Variants in NCAPG2 observed in about 807,000 individuals in gnomAD.
NCAPG2 encodes non-SMC condensin II complex subunit G2, also known as condensin-2 complex subunit G2.
NCAPG2 carries 53 observed loss-of-function variants against 141.1 expected under a neutral mutation model. That is an observed-to-expected ratio of 0.38 (90% CI 0.30 to 0.47). The LOEUF (loss-of-function observed/expected upper bound fraction) is 0.47, where lower values mean the gene tolerates loss of function less well. NCAPG2 is among the 20% of genes least tolerant of loss of function. The probability of loss-of-function intolerance (pLI) is 0.99; values close to 1 mark genes in which losing one functional copy is unlikely to be tolerated. For missense variants in NCAPG2, 1,087 were observed against 1,389.0 expected (o/e 0.78, Z 3.46); for synonymous variants, 499 against 490.7 (o/e 1.02, Z -0.22).
intron 27 of NCAPG2, chr7:158,639,673 G>T: frequency 1.1e-5 from 2 of 182,056 alleles, no homozygotes; most frequent in Non-Finnish European, 2.1e-5. Flanking sequence ...GGGGTATGTT[G>T]TTCCACAGCA....
chr7:158,659,344 A>G (rs866453438), intron 16 of NCAPG2, among the ~76,000 whole-genome samples: 5 of 151,290 alleles, frequency 3.3e-5, no homozygotes, highest in African/African-American at 9.7e-5. Context: ...AAAAAAAAAA[A>G]AAGAAGAAAA....
At chr7:158,657,628 G>A (rs1340579003) in intron 17 of NCAPG2, among the ~76,000 whole-genome samples, 2 of 152,208 alleles carry the variant, frequency 1.3e-5, no homozygotes, top group Admixed American at 1.3e-4. Flanking sequence ...CCCTCTGCCT[G>A]GCCACCACCC....
chr7:158,681,206 CATTA>C (rs1028653379), intron 9 of NCAPG2, among the ~76,000 whole-genome samples: 4 of 152,204 alleles, frequency 2.6e-5, no homozygotes, highest in African/African-American at 4.8e-5. Context: ...TGTTCCAAAA[CATTA>C]ACTAACCTCT....
intron 27 of NCAPG2, among the ~76,000 whole-genome samples, chr7:158,634,505 G>A (rs1830066320): frequency 6.6e-6 from 1 of 152,168 alleles, no homozygotes. Flanking sequence ...TCAAACTATG[G>A]TTGGTTGGAT....
chr7:158,690,200 G>T (rs1835032671), intron 5 of NCAPG2, among the ~76,000 whole-genome samples: 1 of 152,090 alleles, frequency 6.6e-6, no homozygotes, highest in Admixed American at 6.6e-5. Context: ...CGATGATGAA[G>T]ATTTTATACA....
chr7:158,646,638 T>C (rs184307627), intron 24 of NCAPG2, 75 bp from the exon 25 acceptor site: 163 of 974,674 alleles, frequency 1.7e-4, no homozygotes, highest in Middle Eastern at 1.5e-3. Flanking sequence ...GCTTTGGGTT[T>C]TCTTCAACAC....
intron 17 of NCAPG2, among the ~76,000 whole-genome samples, chr7:158,657,997 C>G (rs1355862276): frequency 6.6e-6 from 1 of 151,762 alleles, no homozygotes; most frequent in African/African-American, 2.4e-5. Flanking sequence ...TCTCAAGTAC[C>G]CAGGGACACA....
At position 158,662,296 on chromosome 7, in the gene NCAPG2, G is replaced by A. The variant is rs753554741; in HGVS notation, c.1887C>T (p.Leu629=). Residue 629 remains leucine, a synonymous_variant, in exon 16 of 28, where the codon CTC becomes CTT. Transcript: ENST00000356309. Reference sequence around the variant, plus strand: ...CCATACTTCTGTCAATACTTTTCCAGAGAATCACAATGATTTCTAGTAAAC... The same window carrying A: ...CCATACTTCTGTCAATACTTTTCCAAAGAATCACAATGATTTCTAGTAAAC... ...MAGLLEIIVI[L]WKSIDRSMEN... 6.2e-7 allele frequency: 1 copy of A among 1,610,116 alleles called. No homozygotes were observed. Among genetic ancestry groups the A allele is most frequent in the Admixed American group, 1.7e-5 (1 of 59,486 alleles).
At chr7:158,700,887 T>C (rs1286661821) in intron 2 of NCAPG2, among the ~76,000 whole-genome samples, 1 of 152,184 alleles carries the variant, frequency 6.6e-6, no homozygotes, top group Non-Finnish European at 1.5e-5. Context: ...CAGAGATGTG[T>C]CCTAGGCCCT....
At chr7:158,644,087 G>T (rs1176869745) in intron 27 of NCAPG2, among the ~76,000 whole-genome samples, 1 of 152,188 alleles carries the variant, frequency 6.6e-6, no homozygotes, top group Non-Finnish European at 1.5e-5. Context: ...TGACACTTTT[G>T]TTTTGTTTTT....
intron 12 of NCAPG2, 98 bp from the exon 13 acceptor site, chr7:158,671,764 TTATTAG>T: frequency 7.7e-7 from 1 of 1,296,040 alleles, no homozygotes; most frequent in Non-Finnish European, 1.1e-6. Context: ...GGTTCCATCT[TTATTAG>T]AACTACTAGT....
At chr7:158,686,595 G>A (rs1355307844) in intron 7 of NCAPG2, among the ~76,000 whole-genome samples, 2 of 152,100 alleles carry the variant, frequency 1.3e-5, no homozygotes, top group African/African-American at 2.4e-5. Flanking sequence ...GACTTTTCAC[G>A]CTACCAATTC....
At chr7:158,643,903 A>G (rs1830814022) in intron 27 of NCAPG2, among the ~76,000 whole-genome samples, 1 of 152,228 alleles carries the variant, frequency 6.6e-6, no homozygotes, top group Non-Finnish European at 1.5e-5. Flanking sequence ...CACACATCTC[A>G]GAGGCTCTGG....
chr7:158,647,396 G>A (rs114938661), intron 24 of NCAPG2, among the ~76,000 whole-genome samples: 2,502 of 152,322 alleles, frequency 0.016, 67 homozygotes, highest in African/African-American at 0.058. Flanking sequence ...GCCCCCTGCA[G>A]GGCAGAAGCC....
rs948406275 is a variant in NCAPG2, at chr7:158,679,956, G to A, written c.1146+4C>T. The stretch of plus-strand genomic sequence containing the variant: ...TAAGAAGCTTGACCACCTGAAGTAC[G>A]TACATAGAGCTCTTCAAACTGTTTC... On this transcript the variant is annotated splice_donor_region_variant and intron_variant, in intron 11 of 27. Coordinates refer to ENST00000356309, the MANE Select transcript of NCAPG2 (RefSeq NM_017760.7). 20 of 1,613,388 alleles carry A rather than the reference G, an allele frequency of 1.2e-5. No homozygotes were observed. The highest frequency in any genetic ancestry group is 6.7e-5 in the Admixed American group (4 of 59,950).
At chr7:158,643,700 T>C (rs938517222) in intron 27 of NCAPG2, among the ~76,000 whole-genome samples, 1 of 152,218 alleles carries the variant, frequency 6.6e-6, no homozygotes, top group African/African-American at 2.4e-5. Context: ...ATTTAGCTCA[T>C]AAAATAGCAA....
At chr7:158,662,038 AAG>A (rs1309906607) in intron 16 of NCAPG2, among the ~76,000 whole-genome samples, 154 bp downstream of exon 16, 1 of 152,250 alleles carries the variant, frequency 6.6e-6, no homozygotes, top group Non-Finnish European at 1.5e-5. Context: ...GGGCAACAGA[AAG>A]AAACTATACT....
intron 27 of NCAPG2, among the ~76,000 whole-genome samples, chr7:158,643,689 T>G (rs1368290524): frequency 3.3e-5 from 5 of 152,252 alleles, no homozygotes; most frequent in Non-Finnish European, 5.9e-5. Context: ...ACGCTTCACC[T>G]ATTTAGCTCA....
At chr7:158,686,328 G>A (rs1469766572) in intron 7 of NCAPG2, 87 bp from the exon 8 acceptor site, 1 of 742,856 alleles carries the variant, frequency 1.3e-6, no homozygotes, top group African/African-American at 1.9e-5. Flanking sequence ...TCCAACCATA[G>A]TGAAGAAGAA....
Sources: allele counts gnomAD v4.1 joint callset (sites outside exome capture counted in the v4.1 genomes callset), GRCh38; gene constraint gnomAD v4.1.1; transcripts MANE v1.5; gene names NCBI Gene and HGNC (gene_info 2026-07-23, HGNC 2026-07-21).